PLEKHA7: variants seen among roughly 807,000 people sequenced by gnomAD.
PLEKHA7 encodes pleckstrin homology domain-containing family A member 7.
PLEKHA7 carries 104 observed loss-of-function variants against 170.0 expected under a neutral mutation model. The observed-to-expected ratio is 0.61, with a 90% CI of 0.52 to 0.72. PLEKHA7 has a LOEUF of 0.72. Ranked by LOEUF, PLEKHA7 falls within the 30% of genes least tolerant of loss-of-function variation. The pLI is 0.00. For missense variants in PLEKHA7, 1,615 were observed against 1,671.7 expected (o/e 0.97, Z 0.59); for synonymous variants, 648 against 660.8 (o/e 0.98, Z 0.30).
rs558585817 is a variant in PLEKHA7 at position 16,796,791 on chromosome 11, G to C, written c.2410-1773C>G. On this transcript the variant is annotated intron_variant, in intron 17 of 26. Transcript: ENST00000531066. ...TCGCCTTGGCCTCCCAAGTAGCTAG[G>C]AGTACCGGAGCATGCCACCATGCCT... Among the ~76,000 whole-genome samples the C allele has an allele frequency of 2.1e-3, 313 of 152,218 alleles. 1 individual carries two copies. The highest frequency in any genetic ancestry group is 6.8e-3 in the Middle Eastern group (2 of 294).
At chr11:16,872,444 C>A (rs2135690117) in intron 3 of PLEKHA7, among the ~76,000 whole-genome samples, 1 of 152,248 alleles carries the variant, frequency 6.6e-6, no homozygotes, top group South Asian at 2.1e-4. Flanking sequence ...TTTTCACATC[C>A]TATTAACATA....
chr11:16,783,807 G>A lies in PLEKHA7; in HGVS notation c.3543C>T (p.Ile1181=). ...GATCTAGCTCCACGTAGCGCTCAGG[G>A]ATTGACACCTTCTCTGGTTTGGACA... ...RELSKPEKVS[I]PERYVELDPE... The change falls in exon 25 of 27, where the codon ATC becomes ATT. Residue 1181 remains isoleucine, a synonymous_variant. Transcript: ENST00000531066. The A allele has an allele frequency of 1.3e-6, 2 of 1,507,484 alleles. No individual in the cohort carries two copies. Among genetic ancestry groups the A allele is most frequent in the Non-Finnish European group, 1.8e-6 (2 of 1,133,284 alleles). The allele number at this position is 1,507,484 out of a possible 1,614,324, so 93.4% of individuals were successfully genotyped here.
In PLEKHA7 at chr11:16,826,329, G is replaced by C. The variant is rs562315395; in HGVS notation, c.1134C>G (p.Pro378=). The C allele has an allele frequency of 1.2e-6, 2 of 1,614,224 alleles. No homozygotes were observed. The highest frequency in any genetic ancestry group is 2.2e-5 in the South Asian group (2 of 91,090). The change falls in exon 10 of 27, where the codon CCC becomes CCG. Residue 378 remains proline, a synonymous_variant. Transcript: ENST00000531066. ...AEEDALFMDL[P]TGPRGQQAQP... ...GTGCCTGCTGGCCTCTTGGGCCAGT[G>C]GGTAAATCCATAAACAAGGCATCCT...
chr11:16,874,065 C>T (rs896496567), intron 3 of PLEKHA7, among the ~76,000 whole-genome samples: 1 of 152,202 alleles, frequency 6.6e-6, no homozygotes, highest in African/African-American at 2.4e-5. Context: ...GAAAAAAGCC[C>T]TGCTCATAAC....
intron 3 of PLEKHA7, among the ~76,000 whole-genome samples, chr11:16,888,941 T>TA (rs59807490): frequency 8.4e-4 from 115 of 136,376 alleles, no homozygotes; most frequent in East Asian, 1.7e-3. Context: ...TACTAAAAAT[T>TA]AAAAAAAAAA....
At chr11:16,849,588 C>T (rs1053482016) in intron 8 of PLEKHA7, among the ~76,000 whole-genome samples, 3 of 152,114 alleles carry the variant, frequency 2.0e-5, no homozygotes, top group Admixed American at 2.0e-4. Context: ...GGAAGAAAAG[C>T]AAGGAAGAAG....
chr11:16,856,808 A>G (rs544968691), intron 4 of PLEKHA7, among the ~76,000 whole-genome samples: 4 of 152,342 alleles, frequency 2.6e-5, no homozygotes, highest in Admixed American at 6.5e-5. Flanking sequence ...AAGACCCTGC[A>G]AAGTCCAGGA....
chr11:16,974,411 A>G (rs1862926191), intron 3 of PLEKHA7, among the ~76,000 whole-genome samples: 1 of 151,810 alleles, frequency 6.6e-6, no homozygotes, highest in Non-Finnish European at 1.5e-5. Context: ...AATGATCTTG[A>G]CAGACTGCGC....
chr11:16,792,189 C>T (rs890784220), intron 19 of PLEKHA7, among the ~76,000 whole-genome samples: 7 of 152,134 alleles, frequency 4.6e-5, no homozygotes, highest in African/African-American at 9.7e-5. Context: ...ATCCGAATCA[C>T]CAATTTCTAA....
At chr11:16,941,057 C>T (rs996473739) in intron 3 of PLEKHA7, among the ~76,000 whole-genome samples, 72 of 152,312 alleles carry the variant, frequency 4.7e-4, no homozygotes, top group African/African-American at 1.7e-3. Flanking sequence ...CAAGAAATAA[C>T]TACACTCAGG....
chr11:16,968,054 C>T (rs1862481587), intron 3 of PLEKHA7, among the ~76,000 whole-genome samples: 1 of 152,156 alleles, frequency 6.6e-6, no homozygotes, highest in Admixed American at 6.5e-5. Context: ...TAGAACCCCA[C>T]TTAGCCCAAG....
intron 4 of PLEKHA7, among the ~76,000 whole-genome samples, chr11:16,862,722 C>A (rs1258612495): frequency 6.6e-6 from 1 of 152,226 alleles, no homozygotes; most frequent in Non-Finnish European, 1.5e-5. Context: ...GCCCAGCCAA[C>A]ACCCAGGTGT....
intron 3 of PLEKHA7, among the ~76,000 whole-genome samples, chr11:16,964,130 T>C (rs1367396605): frequency 6.6e-6 from 1 of 152,234 alleles, no homozygotes; most frequent in Non-Finnish European, 1.5e-5. Flanking sequence ...CTCTGTGTTG[T>C]GGCATGTGTC....
Position 16,851,301 on chromosome 11 carries a change from GA to G in PLEKHA7, c.596-11del. 2.5e-6 allele frequency: 4 copies of G among 1,603,358 alleles called. No homozygotes were observed. The highest frequency in any genetic ancestry group is 1.7e-5 in the Admixed American group (1 of 59,214). On this transcript the variant is annotated splice_polypyrimidine_tract_variant and intron_variant, in intron 7 of 26. Coordinates refer to ENST00000531066, the MANE Select transcript of PLEKHA7 (RefSeq NM_001329630.2). Reference sequence around the variant, plus strand: ...GCTTCTTCTCGGCTGTCTTTGAATGGAAAAATGCATCAGAACAACCTTCTGG... The same window carrying G: ...GCTTCTTCTCGGCTGTCTTTGAATGGAAAATGCATCAGAACAACCTTCTGG...
rs753352880 is a variant in PLEKHA7 at position 17,014,191 on chromosome 11, G to C, written c.97C>G (p.Arg33Gly). The change falls in exon 2 of 27, where the codon CGC becomes GGC. Residue 33 changes from arginine to glycine, a missense_variant. By Grantham distance (125) the Arg-to-Gly change is moderately radical. Coordinates refer to ENST00000531066, the MANE Select transcript of PLEKHA7 (RefSeq NM_001329630.2). ...GRVFFINDQLRCTTWLHPRTG... is the reference protein window; with the variant it reads ...GRVFFINDQLGCTTWLHPRTG... ...CGCGGATGCAGCCAGGTCGTGCAGC[G>C]GAGCTGGTCACTGCGGGCAGAGAGG... 2.5e-6 allele frequency: 4 copies of C among 1,591,574 alleles called. No individual in the cohort carries two copies. The South Asian group carries it at 4.5e-5, about 18-fold the overall frequency.
Position 16,789,649 on chromosome 11 carries a change from A to G in PLEKHA7, c.3156+126T>C. The G allele has an allele frequency of 2.6e-6, 2 of 761,608 alleles. No individual in the cohort carries two copies. Among genetic ancestry groups the G allele is most frequent in the Non-Finnish European group, 4.2e-6 (2 of 472,816 alleles). 47.2% of individuals were successfully genotyped at this position (761,608 alleles called of 1,614,324 possible). ...GACAGTGGGTGACAGGGAGCTCAGG[A>G]GGGGCTGAGGCCACCCCAGAGGCCA... On this transcript the variant is annotated intron_variant, in intron 22 of 26. Transcript: ENST00000531066. The surrounding 1 kb of genome is among the most constrained non-coding windows in gnomAD (Gnocchi z 4.6).
intron 3 of PLEKHA7, among the ~76,000 whole-genome samples, chr11:16,884,336 T>C (rs966214183): frequency 1.3e-5 from 2 of 152,188 alleles, no homozygotes; most frequent in African/African-American, 2.4e-5. Flanking sequence ...AAATTTCATA[T>C]AAAATTTCAG....
At chr11:16,905,828 T>C (rs1307521780) in intron 3 of PLEKHA7, among the ~76,000 whole-genome samples, 2 of 152,216 alleles carry the variant, frequency 1.3e-5, no homozygotes, top group African/African-American at 2.4e-5. Flanking sequence ...ACACTTTCAA[T>C]ATGAAGTGTT....
At position 16,817,217 on chromosome 11, in the gene PLEKHA7, G is replaced by C; in HGVS notation, c.1449C>G (p.Gly483=). The C allele has an allele frequency of 1.2e-6, 2 of 1,614,034 alleles. No homozygotes were observed. Among genetic ancestry groups the C allele is most frequent in the Admixed American group, 1.7e-5 (1 of 60,022 alleles). The change falls in exon 11 of 27, where the codon GGC becomes GGG. Residue 483 remains glycine, a synonymous_variant. Transcript: ENST00000531066. This position sits in a 1 kb window ranked among gnomAD's most constrained non-coding sequence, Gnocchi z 4.4. ...LPKSTRHPSG[G]SSPPPRNLPS... is the part of the protein sequence containing the mutation. Reference sequence around the variant, plus strand: ...GCAGGTTTCGGGGAGGTGGCGAGGAGCCCCCCGAGGGGTGTCGGGTGCTCT... The same window carrying C: ...GCAGGTTTCGGGGAGGTGGCGAGGACCCCCCCGAGGGGTGTCGGGTGCTCT...
Sources: gnomAD v4.1 joint callset for allele counts (sites outside exome capture counted in the v4.1 genomes callset) on GRCh38, gnomAD v4.1.1 for gene constraint, Gnocchi (gnomAD v3.1) non-coding constraint, MANE v1.5 for transcripts, NCBI Gene and HGNC (gene_info 2026-07-23, HGNC 2026-07-21) for gene names.